ZNF567: variants seen among roughly 807,000 people sequenced by gnomAD.
ZNF567 encodes zinc finger protein 567.
In ZNF567, 36 loss-of-function variants were observed where a neutral mutation model predicts 53.9. The observed-to-expected ratio is 0.67, with a 90% CI of 0.51 to 0.88. The LOEUF is 0.88. Among genes scored for constraint, ZNF567 ranks in the 40% least tolerant of loss-of-function variants. The pLI is 0.00. For missense variants in ZNF567, 619 were observed against 764.7 expected (o/e 0.81, Z 2.25); for synonymous variants, 224 against 260.4 (o/e 0.86, Z 1.35).
upstream of ZNF567, among the ~76,000 whole-genome samples, chr19:36,682,886 C>T (rs1047507733): frequency 4.0e-5 from 6 of 151,428 alleles, no homozygotes; most frequent in African/African-American, 7.3e-5. Context: ...GGATTACAGG[C>T]GTGAGCCACC....
At chr19:36,718,896 A>G in intron 5 of ZNF567, 52 bp from the exon 6 acceptor site, 3 of 1,432,168 alleles carry the variant, frequency 2.1e-6, no homozygotes, top group African/African-American at 1.4e-5. Context: ...ATTTCTTTGC[A>G]TAGGAAATGT....
chr19:36,721,875 G>C (rs1272695480), downstream of ZNF567, among the ~76,000 whole-genome samples: 1 of 151,332 alleles, frequency 6.6e-6, no homozygotes, highest in Non-Finnish European at 1.5e-5. Context: ...CTTCTGAGTA[G>C]CTGGGATTAC....
intron 2 of ZNF567, among the ~76,000 whole-genome samples, chr19:36,691,118 G>A (rs17468285): frequency 0.046 from 7,007 of 152,212 alleles, 464 homozygotes; most frequent in African/African-American, 0.14. Context: ...GATTTATGGA[G>A]AAGGGCCTCC....
chr19:36,723,235 C>T (rs897815946), downstream of ZNF567: 1 of 702,672 alleles, frequency 1.4e-6, no homozygotes, highest in African/African-American at 1.7e-5. Flanking sequence ...GTCAACCCAC[C>T]AAAGATTTGG....
chr19:36,693,836 T>C (rs894630240), intron 2 of ZNF567, among the ~76,000 whole-genome samples: 6 of 152,164 alleles, frequency 3.9e-5, no homozygotes, highest in Non-Finnish European at 8.8e-5. Context: ...GATACCAAAC[T>C]AGATGGCCAA....
At chr19:36,706,682 T>G (rs950972782) in intron 3 of ZNF567, among the ~76,000 whole-genome samples, 90 of 67,136 alleles carry the variant, frequency 1.3e-3, no homozygotes, top group Middle Eastern at 6.8e-3. Context: ...TTTTTTTTTG[T>G]TTTTTTTTTG....
At chr19:36,713,663 G>A (rs887570965) in intron 5 of ZNF567, among the ~76,000 whole-genome samples, 19 of 151,560 alleles carry the variant, frequency 1.3e-4, no homozygotes, top group African/African-American at 2.9e-4. Context: ...GGCTGGGCAC[G>A]GTGGCTCACA....
chr19:36,690,637 G>A (rs972610320), intron 2 of ZNF567, among the ~76,000 whole-genome samples: 1 of 152,018 alleles, frequency 6.6e-6, no homozygotes, highest in African/African-American at 2.4e-5. Flanking sequence ...AAAACACATA[G>A]GCATACATCT....
chr19:36,716,570 A>G (rs537679129), intron 5 of ZNF567, among the ~76,000 whole-genome samples: 20 of 152,358 alleles, frequency 1.3e-4, no homozygotes, highest in African/African-American at 4.8e-4. Flanking sequence ...AAGCATTCTT[A>G]AGGATTCTTT....
At chr19:36,678,614 G>A in the ZNF567 span, among the ~76,000 whole-genome samples, 2 of 149,844 alleles carry the variant, frequency 1.3e-5, no homozygotes, top group East Asian at 4.1e-4. Flanking sequence ...GGAGGCCAAG[G>A]TGGGTGGATC....
chr19:36,717,160 A>G (rs1207453480), intron 5 of ZNF567, among the ~76,000 whole-genome samples: 3 of 152,100 alleles, frequency 2.0e-5, no homozygotes, highest in Non-Finnish European at 4.4e-5. Flanking sequence ...TAAAGTATTT[A>G]TTTCTATGAA....
the ZNF567 span, among the ~76,000 whole-genome samples, chr19:36,673,140 C>T: frequency 6.6e-6 from 1 of 152,168 alleles, no homozygotes; most frequent in South Asian, 2.1e-4. Context: ...GCATTAACAT[C>T]ATCCAGACTT....
intron 3 of ZNF567, among the ~76,000 whole-genome samples, chr19:36,708,279 T>C (rs1412583578): frequency 6.6e-6 from 1 of 152,214 alleles, no homozygotes; most frequent in Non-Finnish European, 1.5e-5. Flanking sequence ...AGTCCTATTT[T>C]GCATGCTTGG....
chr19:36,718,876 C>A (rs559788730), intron 5 of ZNF567, 72 bp from the exon 6 acceptor site: 2 of 1,262,584 alleles, frequency 1.6e-6, no homozygotes, highest in Admixed American at 2.4e-5. Flanking sequence ...ATGTGCTAGA[C>A]CCTAGTAAAA....
intron 3 of ZNF567, among the ~76,000 whole-genome samples, chr19:36,701,350 G>A (rs1298541597): frequency 6.7e-6 from 1 of 149,940 alleles, no homozygotes; most frequent in Non-Finnish European, 1.5e-5. Flanking sequence ...CAAGTATGTG[G>A]TCAATTTTGG....
intron 3 of ZNF567, among the ~76,000 whole-genome samples, chr19:36,710,383 TC>T (rs1406665130): frequency 6.7e-6 from 1 of 148,942 alleles, no homozygotes; most frequent in Non-Finnish European, 1.5e-5. Flanking sequence ...TTCCCCCCAC[TC>T]CTTTTTGTTT....
intron 3 of ZNF567, among the ~76,000 whole-genome samples, chr19:36,708,084 C>T (rs573613859): frequency 6.6e-6 from 1 of 151,402 alleles, no homozygotes; most frequent in African/African-American, 2.4e-5. Context: ...TTTGTAGAGA[C>T]AGGGTTTTGC....
chr19:36,683,319 G>A (rs957326288), upstream of ZNF567, among the ~76,000 whole-genome samples: 2 of 151,686 alleles, frequency 1.3e-5, no homozygotes, highest in East Asian at 3.9e-4. Flanking sequence ...TGTTCCACCC[G>A]TCTCAGCCTC....
intron 5 of ZNF567, among the ~76,000 whole-genome samples, chr19:36,715,575 G>A (rs1355358074): frequency 6.7e-6 from 1 of 148,590 alleles, no homozygotes; most frequent in Admixed American, 6.8e-5. Context: ...TGTTGCCCAG[G>A]CTGGAGTGCA....
Sources: allele counts gnomAD v4.1 joint callset (sites outside exome capture counted in the v4.1 genomes callset), GRCh38; gene constraint gnomAD v4.1.1; transcripts MANE v1.5; gene names NCBI Gene and HGNC (gene_info 2026-07-23, HGNC 2026-07-21).